RFTN1: variants seen among roughly 807,000 people sequenced by gnomAD.
RFTN1 encodes raftlin.
In RFTN1, 26 loss-of-function variants were observed where a neutral mutation model predicts 46.5. The observed-to-expected ratio is 0.56, with a 90% confidence interval of 0.41 to 0.78. The LOEUF (loss-of-function observed/expected upper bound fraction) is 0.78, where lower values mean the gene tolerates loss of function less well. RFTN1 is among the 30% of genes least tolerant of loss of function. The pLI, the probability that RFTN1 is intolerant of heterozygous loss-of-function variation, is 0.00. For missense variants in RFTN1, 693 were observed against 718.7 expected, an observed-to-expected ratio of 0.96 and a Z score of 0.41; for synonymous variants, 261 against 284.2, an observed-to-expected ratio of 0.92 and a Z score of 0.82.
chr3:16,496,220 C>T (rs748130939), intron 1 of RFTN1, among the ~76,000 whole-genome samples: 1 of 152,258 alleles, frequency 6.6e-6, no homozygotes, highest in Non-Finnish European at 1.5e-5. Flanking sequence ...ACACACCCAC[C>T]ATGGCAGCTT....
chr3:16,496,474 G>A (rs1180407722), intron 1 of RFTN1, among the ~76,000 whole-genome samples: 1 of 152,198 alleles, frequency 6.6e-6, no homozygotes, highest in East Asian at 1.9e-4. Flanking sequence ...AGGAACATAA[G>A]AGAAGAAGCT....
Position 16,391,873 on chromosome 3 carries a change from TTTTTTTTTGTTTTTTTTTTTG to T in RFTN1, c.442-13792_442-13772del, listed in dbSNP as rs1559317831. The stretch of plus-strand genomic sequence containing the variant: ...TAGTGCAAAGGTTTTTTTTTTGTTT[TTTTTTTTTGTTTTTTTTTTTG>T]TTTTTTTTACGGGGAAGAAAGCTAA... On this transcript the variant is annotated intron_variant, in intron 4 of 9. Transcript: ENST00000334133. Among the ~76,000 whole-genome samples, 60 of 32,598 alleles carry T rather than the reference TTTTTTTTTGTTTTTTTTTTTG, an allele frequency of 1.8e-3. 8 individuals carry two copies. Among genetic ancestry groups the T allele is most frequent in the East Asian group, 0.012 (14 of 1,158 alleles). 21.4% of individuals were successfully genotyped at this position (32,598 alleles called of 152,430 possible). A position where few individuals can be genotyped will look rare whatever the true frequency, so the allele number is the denominator to read the frequency against.
chr3:16,381,739 A>G lies in RFTN1; in HGVS notation c.442-3637T>C, dbSNP rs2074000331. Among the ~76,000 whole-genome samples the G allele has an allele frequency of 2.0e-5, 3 of 152,192 alleles. No homozygotes were observed. Among genetic ancestry groups the G allele is most frequent in the Admixed American group, 2.0e-4 (3 of 15,282 alleles). ...TATGCAACAGCCTGGTGTGTTGAGGAAATTTCTAGAAATATTTCTGGAACA... is the reference window on the plus strand; with the variant it reads ...TATGCAACAGCCTGGTGTGTTGAGGGAATTTCTAGAAATATTTCTGGAACA... On this transcript the variant is annotated intron_variant, in intron 4 of 9. Transcript: ENST00000334133. The surrounding 1 kb of genome is among the most constrained non-coding windows in gnomAD (Gnocchi z 4.2).
rs1368560825 is a variant in RFTN1 at position 16,345,813 on chromosome 3, TGTGTGCGCGCGCGCGTGC to T, written c.1146+12101_1146+12118del. Among the ~76,000 whole-genome samples, 1 of 84,690 alleles carries T rather than the reference TGTGTGCGCGCGCGCGTGC, an allele frequency of 1.2e-5. No individual in the cohort carries two copies. Among genetic ancestry groups the T allele is most frequent in the Non-Finnish European group, 2.2e-5 (1 of 44,662 alleles). 55.6% of individuals were successfully genotyped at this position (84,690 alleles called of 152,430 possible). On this transcript the variant is annotated intron_variant, in intron 7 of 9. Coordinates refer to ENST00000334133, the MANE Select transcript of RFTN1 (RefSeq NM_015150.2). This position sits in a 1 kb window ranked among gnomAD's most constrained non-coding sequence, Gnocchi z 5.2. ...CTGTGTGTGTGTGTGTGTGTGTGTG[TGTGTGCGCGCGCGCGTGC>T]GCGCACGCGCACATGTGCATGTGTA...
Position 16,376,540 on chromosome 3 carries a change from G to A in RFTN1, c.826+1178C>T, listed in dbSNP as rs2073779956. On this transcript the variant is annotated intron_variant, in intron 5 of 9. Coordinates refer to ENST00000334133, the MANE Select transcript of RFTN1 (RefSeq NM_015150.2). The surrounding 1 kb of genome is among the most constrained non-coding windows in gnomAD (Gnocchi z 4.7). Reference sequence around the variant, plus strand: ...GAGGTTTCTGGACTAAGACCTGGGCGTTCATGAGGACGACACACTGGGCTT... The same window carrying A: ...GAGGTTTCTGGACTAAGACCTGGGCATTCATGAGGACGACACACTGGGCTT... Among the ~76,000 whole-genome samples, 1 of 152,170 alleles carries A rather than the reference G, an allele frequency of 6.6e-6. No individual in the cohort carries two copies. The highest frequency in any genetic ancestry group is 2.4e-5 in the African/African-American group (1 of 41,448).
rs1391226722 is a variant in RFTN1, at chr3:16,440,519, C to T, written c.146-6482G>A. Among the ~76,000 whole-genome samples the T allele has an allele frequency of 6.6e-6, 1 of 152,168 alleles. No homozygotes were observed. Among genetic ancestry groups the T allele is most frequent in the African/African-American group, 2.4e-5 (1 of 41,442 alleles). Reference sequence around the variant, plus strand: ...GGCTTCTCCCCTACCTGGGCAGGGGCAGAGTCTCATCTCCTTACTGGACAG... The same window carrying T: ...GGCTTCTCCCCTACCTGGGCAGGGGTAGAGTCTCATCTCCTTACTGGACAG... On this transcript the variant is annotated intron_variant, in intron 2 of 9. Coordinates refer to ENST00000334133, the MANE Select transcript of RFTN1 (RefSeq NM_015150.2). The surrounding 1 kb of genome is among the most constrained non-coding windows in gnomAD (Gnocchi z 4.6).
chr3:16,358,564 G>C (rs1397490761), intron 6 of RFTN1, among the ~76,000 whole-genome samples: 1 of 151,952 alleles, frequency 6.6e-6, no homozygotes, highest in Non-Finnish European at 1.5e-5. Flanking sequence ...GGCAGCTCTT[G>C]TCAAGAGGTG....
chr3:16,357,133 A>AAC (rs1553729411), intron 7 of RFTN1, among the ~76,000 whole-genome samples: 18 of 139,470 alleles, frequency 1.3e-4, no homozygotes, highest in African/African-American at 5.4e-4. Flanking sequence ...AAAAAACAAA[A>AAC]AAACAAACAA....
chr3:16,463,067 T>A (rs74551063), intron 2 of RFTN1, among the ~76,000 whole-genome samples: 1 of 152,222 alleles, frequency 6.6e-6, no homozygotes, highest in South Asian at 2.1e-4. Context: ...GAGACAGAAA[T>A]CTACAATGCC....
At chr3:16,404,303 G>A (rs190985673) in intron 4 of RFTN1, among the ~76,000 whole-genome samples, 4,134 of 10,068 alleles carry the variant, frequency 0.41, 1,278 homozygotes, top group African/African-American at 0.68. Flanking sequence ...TATATAATAT[G>A]TAATATATAT....
chr3:16,510,354 G>T (rs1210293318), intron 1 of RFTN1, among the ~76,000 whole-genome samples: 1 of 152,178 alleles, frequency 6.6e-6, no homozygotes, highest in Non-Finnish European at 1.5e-5. Flanking sequence ...TGTGGGGCTT[G>T]GGGTTATTTT....
intron 8 of RFTN1, 98 bp from the exon 9 acceptor site, chr3:16,323,555 A>G: frequency 1.2e-6 from 1 of 815,600 alleles, no homozygotes; most frequent in Non-Finnish European, 2.0e-6. Context: ...AAAGCAGACC[A>G]CCCACAGGAT....
At chr3:16,431,446 C>A (rs1208377139) in intron 3 of RFTN1, among the ~76,000 whole-genome samples, 1 of 152,084 alleles carries the variant, frequency 6.6e-6, no homozygotes, top group Non-Finnish European at 1.5e-5. Flanking sequence ...AACCATATCC[C>A]CAGGAGACTC....
chr3:16,418,740 CAATGAAAGA>C lies in RFTN1; in HGVS notation c.333-9266_333-9258del, dbSNP rs1362604306. 2.6e-5 allele frequency among the ~76,000 whole-genome samples: 4 copies of C among 151,048 alleles called. No individual in the cohort carries two copies. The highest frequency in any genetic ancestry group is 5.9e-5 in the Non-Finnish European group (4 of 67,844). ...AGCTAGAGATCTGAAAGAGATTTGT[CAATGAAAGA>C]AAAAGAAAGCTATTCCTAGTTTCAT... is the stretch of plus-strand genomic sequence containing the variant. On this transcript the variant is annotated intron_variant, in intron 3 of 9. Coordinates refer to ENST00000334133, the MANE Select transcript of RFTN1 (RefSeq NM_015150.2). This position sits in a 1 kb window ranked among gnomAD's most constrained non-coding sequence, Gnocchi z 5.0.
Position 16,440,086 on chromosome 3 carries a change from T to A in RFTN1, c.146-6049A>T, listed in dbSNP as rs964140316. 6.6e-6 allele frequency among the ~76,000 whole-genome samples: 1 copy of A among 152,226 alleles called. No individual in the cohort carries two copies. Among genetic ancestry groups the A allele is most frequent in the African/African-American group, 2.4e-5 (1 of 41,454 alleles). On this transcript the variant is annotated intron_variant, in intron 2 of 9. Transcript: ENST00000334133. The surrounding 1 kb of genome is among the most constrained non-coding windows in gnomAD (Gnocchi z 4.6). The stretch of plus-strand genomic sequence containing the variant: ...TGAAGATAAGGGACACTGGTATGGC[T>A]GTCTTAGCCACCGTTACCTTCCAAA...
At position 16,443,987 on chromosome 3, in the gene RFTN1, G is replaced by T. The variant is rs1213823034; in HGVS notation, c.146-9950C>A. ...GGTCCCCTGATGCTTAGGTTTAGTA[G>T]TGGGCACTCAAATATTAAAAGCAAC... On this transcript the variant is annotated intron_variant, in intron 2 of 9. Coordinates refer to ENST00000334133, the MANE Select transcript of RFTN1 (RefSeq NM_015150.2). The surrounding 1 kb of genome is among the most constrained non-coding windows in gnomAD (Gnocchi z 5.5). 6.6e-6 allele frequency among the ~76,000 whole-genome samples: 1 copy of T among 152,174 alleles called. No individual in the cohort carries two copies. The highest frequency in any genetic ancestry group is 6.5e-5 in the Admixed American group (1 of 15,278).
At chr3:16,349,653 C>T (rs990855838) in intron 7 of RFTN1, 5 of 152,252 alleles carry the variant, frequency 3.3e-5, no homozygotes, top group African/African-American at 1.2e-4. Context: ...TCCTATTTTA[C>T]TTGCTTTTCT....
rs2072143931 is a variant in RFTN1, at chr3:16,352,110, G to T, written c.1146+5822C>A. On this transcript the variant is annotated intron_variant, in intron 7 of 9. Coordinates refer to ENST00000334133, the MANE Select transcript of RFTN1 (RefSeq NM_015150.2). The surrounding 1 kb of genome is among the most constrained non-coding windows in gnomAD (Gnocchi z 4.6). The stretch of plus-strand genomic sequence containing the variant: ...TAAGATAGGAATCTGATTTGCTTTG[G>T]GTCTCTTTAATTGGCTTTTTCAATT... Among the ~76,000 whole-genome samples, 1 of 152,128 alleles carries T rather than the reference G, an allele frequency of 6.6e-6. No individual in the cohort carries two copies. Among genetic ancestry groups the T allele is most frequent in the Non-Finnish European group, 1.5e-5 (1 of 68,020 alleles).
intron 3 of RFTN1, among the ~76,000 whole-genome samples, chr3:16,430,014 CT>C (rs1351107451): frequency 1.3e-5 from 2 of 152,208 alleles, no homozygotes; most frequent in African/African-American, 4.8e-5. Context: ...AAAAGTATCA[CT>C]TTAACTGTCT....
Sources: allele counts gnomAD v4.1 joint callset (sites outside exome capture counted in the v4.1 genomes callset), GRCh38; gene constraint gnomAD v4.1.1; non-coding constraint Gnocchi (gnomAD v3.1); transcripts MANE v1.5; gene names NCBI Gene and HGNC (gene_info 2026-07-23, HGNC 2026-07-21).